The following OCRL variants were observed in gnomAD, a reference collection of about 807,000 sequenced individuals.
OCRL encodes the protein OCRL inositol polyphosphate-5-phosphatase.
Under a neutral mutation model 78.9 loss-of-function variants are expected in OCRL, and 8 were observed. The ratio of observed to expected loss-of-function variants is 0.10; its 90% CI spans 0.06 to 0.18. OCRL has a LOEUF of 0.18. Among genes scored for constraint, OCRL ranks in the 10% least tolerant of loss-of-function variants. The pLI is 1.00. For missense variants in OCRL, 454 were observed against 696.7 expected (o/e 0.65, Z 3.92); for synonymous variants, 240 against 235.4 (o/e 1.02, Z -0.18).
At chrX:129,566,008 C>T in intron 13 of OCRL, 125 bp downstream of exon 13, 2 of 502,914 alleles carry the variant, frequency 4.0e-6, no homozygotes, top group East Asian at 3.4e-5. Flanking sequence ...AACAGTGTGA[C>T]TAGTGATGCA....
intron 2 of OCRL, among the ~76,000 whole-genome samples, chrX:129,542,068 A>G (rs1319180699): frequency 8.9e-6 from 1 of 112,463 alleles, no homozygotes; most frequent in African/African-American, 3.2e-5. Context: ...AGTGGGTTAC[A>G]GAGAGGTGAC....
At chrX:129,566,030 C>T (rs1011486233) in intron 13 of OCRL, 147 bp downstream of exon 13, 11 of 457,688 alleles carry the variant, frequency 2.4e-5, no homozygotes, top group Non-Finnish European at 4.2e-5. Flanking sequence ...TGACTACATA[C>T]AAGATTTGTA....
chrX:129,584,025 C>T (rs771758201), intron 18 of OCRL, among the ~76,000 whole-genome samples: 95 of 111,275 alleles, frequency 8.5e-4, no homozygotes, highest in Admixed American at 1.4e-3. Context: ...TGCCTCCAAG[C>T]AGCAGACAGG....
rs1392543051 is a variant in OCRL at position 129,544,991 on chromosome X, T to C, written c.153T>C (p.His51=). The C allele has an allele frequency of 8.6e-7, 1 of 1,166,030 alleles. No homozygotes were observed. The stretch of plus-strand genomic sequence containing the variant: ...TCCAGTTGCATGAGAAGGAACAGCA[T>C]GTTCAAGATATCATTCCTATAAATA... ...LIIQLHEKEQ[H]VQDIIPINSH... is the part of the protein sequence containing the mutation. Residue 51 remains histidine (H), a synonymous_variant, in exon 3 of 24, where the codon CAT becomes CAC. Transcript: ENST00000371113.
Position 129,557,862 on chromosome X carries a change from T to G in OCRL, c.351T>G (p.Ala117=), listed in dbSNP as rs764237144. 72 of 1,182,220 alleles carry G rather than the reference T, an allele frequency of 6.1e-5. No individual in the cohort carries two copies. The highest frequency in any genetic ancestry group is 5.6e-5 in the Non-Finnish European group (49 of 869,542). ...TGACCATGAACCTTATCTCTCTAGC[T>G]CAGTCACAGCTTCTTGTTCCAGAGC... ...FLSAVLAAQK[A]QSQLLVPEQK... Residue 117 remains alanine (A), a splice_region_variant and synonymous_variant, in exon 6 of 24, where the codon GCT becomes GCG. Transcript: ENST00000371113.
At chrX:129,579,760 C>A (rs1936417859) in intron 18 of OCRL, among the ~76,000 whole-genome samples, 1 of 112,014 alleles carries the variant, frequency 8.9e-6, no homozygotes, top group African/African-American at 3.2e-5. Flanking sequence ...AATATTGATT[C>A]ATTACACACT....
rs1429288410 is a variant in OCRL at position 129,588,158 on chromosome X, T to C, written c.2257-21T>C. On this transcript the variant is annotated intron_variant, in intron 20 of 23. Transcript: ENST00000371113. ...AGGAGTGATTATCTTGCCTGTCCCT[T>C]CATTCTGACTTCTTTGGTAGGAGGA... 5 of 1,124,838 alleles carry C rather than the reference T, an allele frequency of 4.4e-6. No individual in the cohort carries two copies. The African/African-American group carries it at 7.2e-5, about 16-fold the overall frequency. 92.7% of individuals were successfully genotyped at this position (1,124,838 alleles called of 1,213,427 possible). A position where few individuals can be genotyped will look rare whatever the true frequency, so the allele number is the denominator to read the frequency against.
At chrX:129,557,497 T>C (rs1161364777) in intron 5 of OCRL, 62 bp downstream of exon 5, 80 of 1,022,278 alleles carry the variant, frequency 7.8e-5, no homozygotes, top group Non-Finnish European at 8.6e-5. Flanking sequence ...TCTGACATGC[T>C]GATACAGAGG....
intron 13 of OCRL, among the ~76,000 whole-genome samples, chrX:129,566,722 A>G (rs1936222070): frequency 1.8e-5 from 2 of 112,249 alleles, no homozygotes; most frequent in African/African-American, 6.5e-5. Flanking sequence ...GTCTATGTCT[A>G]CCTTCACGTT....
At chrX:129,573,941 G>A (rs1034395394) in intron 15 of OCRL, among the ~76,000 whole-genome samples, 3 of 112,034 alleles carry the variant, frequency 2.7e-5, no homozygotes, top group Admixed American at 1.9e-4. Context: ...TATTATTAAT[G>A]GGCATTTGGG....
At chrX:129,558,524 G>C (rs780779734) in intron 6 of OCRL, 109 bp from the exon 7 acceptor site, 65 of 941,053 alleles carry the variant, frequency 6.9e-5, no homozygotes, top group Non-Finnish European at 9.5e-5. Context: ...ATAGTTTTCT[G>C]TTTAGTAATA....
At chrX:129,581,755 A>G (rs1936442759) in intron 18 of OCRL, among the ~76,000 whole-genome samples, 2 of 98,752 alleles carry the variant, frequency 2.0e-5, no homozygotes, top group African/African-American at 7.7e-5. Flanking sequence ...GTGTGTGTAT[A>G]AAATTTTCCA....
intron 4 of OCRL, 119 bp downstream of exon 4, chrX:129,548,720 C>T (rs1480000370): frequency 3.4e-6 from 2 of 584,165 alleles, no homozygotes; most frequent in Non-Finnish European, 5.7e-6. Context: ...CCTGTAGTCT[C>T]CTGTAGCAGC....
intron 4 of OCRL, 42 bp downstream of exon 4, chrX:129,548,643 T>TATTTACTTGAACACTCACTAC (rs759044542): frequency 1.8e-5 from 20 of 1,084,535 alleles, no homozygotes; most frequent in Non-Finnish European, 2.3e-5. Flanking sequence ...ACTCAACAAA[T>TATTTACTTGAACACTCACTAC]ATTTACTTGA....
intron 2 of OCRL, among the ~76,000 whole-genome samples, chrX:129,542,432 TATAGTTTTAAATACATATAAAC>T (rs1935820885): frequency 1.0e-5 from 1 of 98,934 alleles, no homozygotes; most frequent in Non-Finnish European, 2.3e-5. Flanking sequence ...ATATATAAAC[TATAGTTTTAAATACATATAAAC>T]TATAGTTTAT....
intron 2 of OCRL, among the ~76,000 whole-genome samples, chrX:129,541,237 A>G (rs1047905221): frequency 1.8e-5 from 2 of 112,348 alleles, no homozygotes; most frequent in Non-Finnish European, 3.8e-5. Context: ...GCTTCCAAAA[A>G]GTAAAAGTGC....
chrX:129,567,038 A>G (rs1382631238), intron 13 of OCRL, among the ~76,000 whole-genome samples: 3 of 112,120 alleles, frequency 2.7e-5, no homozygotes, highest in Non-Finnish European at 3.8e-5. Flanking sequence ...GTGATGTGCT[A>G]ATAACAAGCA....
chrX:129,556,449 G>A (rs1056283375), intron 4 of OCRL, among the ~76,000 whole-genome samples: 3 of 111,663 alleles, frequency 2.7e-5, no homozygotes, highest in African/African-American at 9.8e-5. Flanking sequence ...CCCTGCATGC[G>A]TACCCTGCCT....
Position 129,591,288 on chromosome X carries a change from G to C in OCRL, c.*1018G>C, listed in dbSNP as rs1025899646. On this transcript the variant is annotated 3_prime_UTR_variant, in exon 24 of 24. Transcript: ENST00000371113. ...GTCTTCTGAAATACCAAGGGCAGAT[G>C]TCACCTCCTTCCTCAGCAGGACTGA... 1 of 112,323 alleles carries C rather than the reference G, an allele frequency of 8.9e-6. No homozygotes were observed. Among genetic ancestry groups the C allele is most frequent in the African/African-American group, 3.3e-5 (1 of 30,644 alleles). 9.3% of individuals were successfully genotyped at this position (112,323 alleles called of 1,213,427 possible). A position where few individuals can be genotyped will look rare whatever the true frequency, so the allele number is the denominator to read the frequency against.
Sources: gnomAD v4.1 joint callset for allele counts (sites outside exome capture counted in the v4.1 genomes callset) on GRCh38, gnomAD v4.1.1 for gene constraint, MANE v1.5 for transcripts, NCBI Gene and HGNC (gene_info 2026-07-23, HGNC 2026-07-21) for gene names.